Variants in TLR6 observed in about 807,000 individuals in gnomAD.
The protein encoded by TLR6 is toll like receptor 6, also known as toll-like receptor 6.
In TLR6, 9 loss-of-function variants were observed where a neutral mutation model predicts 16.1. The observed-to-expected ratio is 0.56, with a 90% CI of 0.34 to 0.98. TLR6 has a LOEUF of 0.98. TLR6 is among the 50% of genes least tolerant of loss of function. TLR6 has a pLI of 0.02. For synonymous variants in TLR6, 340 were observed against 338.6 expected (o/e 1.00, Z -0.04); for missense variants, 786 against 921.0 (o/e 0.85, Z 1.90).
intron 1 of TLR6, among the ~76,000 whole-genome samples, chr4:38,830,584 G>A (rs5743801): frequency 0.017 from 2,520 of 152,230 alleles, 36 homozygotes; most frequent in Non-Finnish European, 0.025. Context: ...GCATGGTGGC[G>A]TGTGCCTATA....
intron 1 of TLR6, among the ~76,000 whole-genome samples, chr4:38,839,199 T>A (rs1466421476): frequency 2.0e-5 from 3 of 151,408 alleles, no homozygotes; most frequent in Admixed American, 1.3e-4. Context: ...AAGAAGTCAG[T>A]CTGAAAAAGC....
At chr4:38,863,671 G>A in the TLR6 span, among the ~76,000 whole-genome samples, 1 of 152,126 alleles carries the variant, frequency 6.6e-6, no homozygotes, top group East Asian at 1.9e-4. Flanking sequence ...AAATTTTGTT[G>A]GATTTTTCTT....
intron 1 of TLR6, among the ~76,000 whole-genome samples, chr4:38,850,715 C>G (rs968359316): frequency 1.3e-5 from 2 of 152,132 alleles, no homozygotes; most frequent in African/African-American, 4.8e-5. Flanking sequence ...CAATAACAGG[C>G]TCTGAAATTG....
At chr4:38,867,666 A>G in the TLR6 span, 1 of 151,454 alleles carries the variant, frequency 6.6e-6, no homozygotes, top group Non-Finnish European at 1.5e-5. Flanking sequence ...CGGCCCTCGC[A>G]GCGTGGGGGT....
chr4:38,853,030 A>G (rs1156319396), intron 1 of TLR6, among the ~76,000 whole-genome samples: 3 of 149,308 alleles, frequency 2.0e-5, no homozygotes, highest in Admixed American at 2.0e-4. Context: ...GCACATATAC[A>G]CCATGGAATA....
intron 1 of TLR6, among the ~76,000 whole-genome samples, chr4:38,834,098 C>T (rs140804133): frequency 0.012 from 1,882 of 150,576 alleles, 54 homozygotes; most frequent in African/African-American, 0.04. Context: ...ATTAGTTGGG[C>T]GTGGTGGCAG....
chr4:38,867,382 GGTTT>G, the TLR6 span, among the ~76,000 whole-genome samples: 1 of 152,176 alleles, frequency 6.6e-6, no homozygotes, highest in African/African-American at 2.4e-5. Context: ...GTTTGTTTGG[GGTTT>G]GTTTGTTTTA....
At chr4:38,851,190 C>T (rs1448205520) in intron 1 of TLR6, among the ~76,000 whole-genome samples, 1 of 152,140 alleles carries the variant, frequency 6.6e-6, no homozygotes, top group Non-Finnish European at 1.5e-5. Flanking sequence ...GCTCTTCATG[C>T]TAAAAATTCT....
the TLR6 span, chr4:38,868,011 G>A: frequency 7.2e-6 from 3 of 418,228 alleles, no homozygotes; most frequent in East Asian, 1.7e-4. Flanking sequence ...CTGGGGTGAG[G>A]GTCTGGGGCG....
chr4:38,858,827 G>A (rs372519951), upstream of TLR6, among the ~76,000 whole-genome samples: 2 of 98,250 alleles, frequency 2.0e-5, no homozygotes, highest in South Asian at 3.5e-4. Flanking sequence ...GAGAGAGAGA[G>A]AGAGGAAGAA....
the TLR6 span, among the ~76,000 whole-genome samples, chr4:38,865,267 C>T: frequency 0.018 from 2,812 of 152,102 alleles, 174 homozygotes; most frequent in East Asian, 0.12. Flanking sequence ...ATTTTAAATA[C>T]TCCAGAAAAT....
chr4:38,848,439 C>T (rs769373257), intron 1 of TLR6, among the ~76,000 whole-genome samples: 6 of 152,250 alleles, frequency 3.9e-5, no homozygotes, highest in Non-Finnish European at 7.3e-5. Flanking sequence ...GAGAGAATGA[C>T]TTTGACATGT....
chr4:38,858,760 A>AGAGAGAGAGAGAGG (rs777199244), upstream of TLR6, among the ~76,000 whole-genome samples: 176 of 23,438 alleles, frequency 7.5e-3, 29 homozygotes, highest in African/African-American at 0.012. Context: ...AGAGAGAGGG[A>AGAGAGAGAGAGAGG]GAGAGAGAGA....
the TLR6 span, among the ~76,000 whole-genome samples, chr4:38,867,447 A>G: frequency 6.6e-6 from 1 of 152,168 alleles, no homozygotes; most frequent in African/African-American, 2.4e-5. Flanking sequence ...TTAACGCAGA[A>G]TCAGGAGATC....
chr4:38,843,899 G>T (rs116189699), intron 1 of TLR6: 2 of 152,150 alleles, frequency 1.3e-5, no homozygotes, highest in African/African-American at 4.8e-5. Context: ...CTCAAGCTTT[G>T]TCTCAGGAAA....
intron 1 of TLR6, among the ~76,000 whole-genome samples, chr4:38,838,458 C>T (rs1272757300): frequency 6.6e-6 from 1 of 152,060 alleles, no homozygotes; most frequent in East Asian, 1.9e-4. Flanking sequence ...TATGGATGGA[C>T]CTGGAGGTCA....
At chr4:38,839,943 G>A (rs936892512) in intron 1 of TLR6, among the ~76,000 whole-genome samples, 1 of 152,154 alleles carries the variant, frequency 6.6e-6, no homozygotes, top group Non-Finnish European at 1.5e-5. Context: ...TTATAATCCC[G>A]AAAGACACAA....
exon 2 of TLR6, chr4:38,827,954 A>G (rs945584529): frequency 6.2e-7 from 1 of 1,614,070 alleles, no homozygotes; most frequent in African/African-American, 1.3e-5. Context: ...TGGGTGGGAA[A>G]CTGAATTGTG....
At chr4:38,853,430 T>C (rs568204845) in intron 1 of TLR6, among the ~76,000 whole-genome samples, 164 of 151,134 alleles carry the variant, frequency 1.1e-3, no homozygotes, top group Non-Finnish European at 1.3e-3. Flanking sequence ...TTTTAACCAC[T>C]GTAATAAAGA....
Sources: allele counts gnomAD v4.1 joint callset (sites outside exome capture counted in the v4.1 genomes callset), GRCh38; gene constraint gnomAD v4.1.1; transcripts MANE v1.5; gene names NCBI Gene and HGNC (gene_info 2026-07-23, HGNC 2026-07-21).